GRIP1: variants seen among roughly 807,000 people sequenced by gnomAD.
GRIP1 encodes glutamate receptor interacting protein 1.
In GRIP1, 45 loss-of-function variants were observed where a neutral mutation model predicts 129.9. The ratio of observed to expected loss-of-function variants is 0.35; its 90% CI spans 0.27 to 0.44. The LOEUF (loss-of-function observed/expected upper bound fraction) is 0.44, where lower values mean the gene tolerates loss of function less well. GRIP1 is among the 20% of genes least tolerant of loss of function. GRIP1 has a pLI of 1.00. For synonymous variants in GRIP1, 530 were observed against 520.8 expected (o/e 1.02, Z -0.24); for missense variants, 1,196 against 1,396.8 (o/e 0.86, Z 2.29).
At chr12:66,869,404 G>A (rs940615835) in intron 1 of GRIP1, among the ~76,000 whole-genome samples, 1 of 152,028 alleles carries the variant, frequency 6.6e-6, no homozygotes, top group Non-Finnish European at 1.5e-5. Context: ...TTGGTGAAAC[G>A]TTTGATCAAG....
chr12:66,410,208 C>A (rs1418237469), intron 15 of GRIP1, among the ~76,000 whole-genome samples: 1 of 127,178 alleles, frequency 7.9e-6, no homozygotes, highest in Non-Finnish European at 1.6e-5. Flanking sequence ...CGAGATCCCG[C>A]CACTGCACTC....
chr12:66,999,378 G>T (rs1443378856), intron 1 of GRIP1, among the ~76,000 whole-genome samples: 1 of 152,122 alleles, frequency 6.6e-6, no homozygotes, highest in South Asian at 2.1e-4. Flanking sequence ...AAACCCTGGT[G>T]GTAGAGTCTT....
chr12:66,639,126 TA>T (rs955575251), intron 1 of GRIP1, among the ~76,000 whole-genome samples: 4 of 152,178 alleles, frequency 2.6e-5, no homozygotes, highest in Non-Finnish European at 5.9e-5. Context: ...AAATATTATA[TA>T]TTTTGTAATA....
chr12:66,636,752 T>TGA (rs1565929867), intron 1 of GRIP1, among the ~76,000 whole-genome samples: 10 of 144,864 alleles, frequency 6.9e-5, no homozygotes, highest in African/African-American at 2.5e-4. Context: ...TGTGTGTGTG[T>TGA]GTCTCACTCT....
At chr12:66,514,211 C>A (rs1255848860) in intron 7 of GRIP1, among the ~76,000 whole-genome samples, 1 of 152,124 alleles carries the variant, frequency 6.6e-6, no homozygotes, top group African/African-American at 2.4e-5. Context: ...TTTTGTTCAC[C>A]TTCTTCCTGG....
intron 1 of GRIP1, among the ~76,000 whole-genome samples, chr12:66,815,116 T>G (rs1223707618): frequency 6.6e-6 from 1 of 152,198 alleles, no homozygotes; most frequent in Non-Finnish European, 1.5e-5. Flanking sequence ...TAGGAAGCGT[T>G]TCATACAAAT....
chr12:66,707,502 C>CAAAAAA (rs1565979272), intron 1 of GRIP1, among the ~76,000 whole-genome samples: 1 of 86,002 alleles, frequency 1.2e-5, no homozygotes, highest in African/African-American at 4.5e-5. Flanking sequence ...CAATCACTGA[C>CAAAAAA]TAAAAAAAAA....
chr12:66,551,026 T>C (rs1363435163), intron 2 of GRIP1, among the ~76,000 whole-genome samples: 1 of 152,228 alleles, frequency 6.6e-6, no homozygotes, highest in Non-Finnish European at 1.5e-5. Context: ...GTTGACATGA[T>C]TGAAAATCGG....
At chr12:66,652,308 G>C (rs549349181) in intron 1 of GRIP1, among the ~76,000 whole-genome samples, 2 of 152,266 alleles carry the variant, frequency 1.3e-5, no homozygotes, top group Non-Finnish European at 2.9e-5. Flanking sequence ...CATGAGATCT[G>C]ATGGTTTTAC....
rs190243847 is a variant in GRIP1 at position 66,907,361 on chromosome 12, T to G, written c.58+161689A>C. ...GTAATAGAACATTAGGCATTGGAAA[T>G]ATAGCATTGAACAAGACATAAATGG... On this transcript the variant is annotated intron_variant, in intron 1 of 1. Coordinates refer to the GRIP1 transcript ENST00000643019. Among the ~76,000 whole-genome samples, 6 of 152,286 alleles carry G rather than the reference T, an allele frequency of 3.9e-5. No homozygotes were observed. In the East Asian group the frequency reaches 9.6e-4, roughly 24 times the overall value.
chr12:66,955,294 C>T (rs2041821709), intron 1 of GRIP1, among the ~76,000 whole-genome samples: 1 of 152,052 alleles, frequency 6.6e-6, no homozygotes, highest in Non-Finnish European at 1.5e-5. Context: ...GCATCTCTAA[C>T]CAGTTCGTAG....
chr12:66,857,172 A>G (rs1209345504), intron 1 of GRIP1, among the ~76,000 whole-genome samples: 1 of 149,964 alleles, frequency 6.7e-6, no homozygotes, highest in Non-Finnish European at 1.5e-5. Context: ...GAACTGAACA[A>G]TGAGAACACA....
intron 1 of GRIP1, among the ~76,000 whole-genome samples, chr12:66,865,602 TCCATCCAA>T (rs2040190975): frequency 1.3e-5 from 1 of 76,326 alleles, no homozygotes; most frequent in African/African-American, 4.0e-5. Context: ...CATGCATCCA[TCCATCCAA>T]CCATCCATCC....
intron 1 of GRIP1, among the ~76,000 whole-genome samples, chr12:66,999,160 T>C (rs1006491237): frequency 2.0e-5 from 3 of 152,172 alleles, no homozygotes; most frequent in Non-Finnish European, 1.5e-5. Flanking sequence ...CATACCTACA[T>C]CTCAATGGAG....
chr12:66,820,423 C>G (rs1250457562), intron 1 of GRIP1, among the ~76,000 whole-genome samples: 2 of 152,178 alleles, frequency 1.3e-5, no homozygotes, highest in African/African-American at 4.8e-5. Context: ...AATGGTACAG[C>G]TACTTGGGAA....
At chr12:66,753,439 C>T (rs1360341763) in intron 1 of GRIP1, among the ~76,000 whole-genome samples, 5 of 152,142 alleles carry the variant, frequency 3.3e-5, no homozygotes, top group Admixed American at 2.6e-4. Context: ...TTCTGTGGCA[C>T]GCAGTCACCT....
At chr12:66,845,774 T>C (rs2039803106) in intron 1 of GRIP1, among the ~76,000 whole-genome samples, 1 of 152,164 alleles carries the variant, frequency 6.6e-6, no homozygotes, top group South Asian at 2.1e-4. Context: ...TGCAGGAACA[T>C]CTATTCTGAA....
At chr12:66,748,571 AACACTGT>A (rs2037025846) in intron 1 of GRIP1, among the ~76,000 whole-genome samples, 1 of 152,178 alleles carries the variant, frequency 6.6e-6, no homozygotes, top group South Asian at 2.1e-4. Context: ...CTGTACTGAG[AACACTGT>A]ATGTGTCTAG....
At chr12:66,756,087 C>A (rs1168532941) in intron 1 of GRIP1, among the ~76,000 whole-genome samples, 2 of 152,172 alleles carry the variant, frequency 1.3e-5, no homozygotes, top group African/African-American at 4.8e-5. Flanking sequence ...AGTGTACAGA[C>A]CAGCAGTGTT....
Sources: allele counts gnomAD v4.1 joint callset (sites outside exome capture counted in the v4.1 genomes callset), GRCh38; gene constraint gnomAD v4.1.1; transcripts MANE v1.5; gene names NCBI Gene and HGNC (gene_info 2026-07-23, HGNC 2026-07-21).